The following EXTL3 variants were observed in gnomAD, a reference collection of about 807,000 sequenced individuals.
EXTL3 encodes the protein exostosin like glycosyltransferase 3, also known as exostosin-like 3.
EXTL3 carries 27 observed loss-of-function variants against 69.3 expected under a neutral mutation model. That is an observed-to-expected ratio of 0.39 (90% CI 0.29 to 0.54). The LOEUF (loss-of-function observed/expected upper bound fraction) is 0.54, where lower values mean the gene tolerates loss of function less well. Among genes scored for constraint, EXTL3 ranks in the 20% least tolerant of loss-of-function variants. EXTL3 has a pLI of 0.69. For missense variants in EXTL3, 1,003 were observed against 1,231.8 expected (o/e 0.81, Z 2.78); for synonymous variants, 511 against 499.4 (o/e 1.02, Z -0.31).
At position 28,753,225 on chromosome 8, in the gene EXTL3, C is replaced by G. The variant is rs976909566; in HGVS notation, c.*2359C>G. 1.3e-5 allele frequency: 2 copies of G among 152,260 alleles called. No individual in the cohort carries two copies. The highest frequency in any genetic ancestry group is 2.9e-5 in the Non-Finnish European group (2 of 68,068). The allele number at this position is 152,260 out of a possible 1,614,324, so 9.4% of individuals were successfully genotyped here. On this transcript the variant is annotated 3_prime_UTR_variant, in exon 7 of 7. Transcript: ENST00000220562. ...AGTGTCACTGGTCAGGTGCTTCTCA[C>G]CACGGGAAAGCCGCCGACCTGTGAC... is the stretch of plus-strand genomic sequence containing the variant.
intron 1 of EXTL3, among the ~76,000 whole-genome samples, chr8:28,660,839 T>C (rs1807097969): frequency 8.3e-5 from 1 of 12,086 alleles, no homozygotes; most frequent in Non-Finnish European, 1.7e-4. Flanking sequence ...GATTTTTGGC[T>C]TTTTTTTTTT....
At chr8:28,660,838 C>CTTTTTTTT (rs58151386) in intron 1 of EXTL3, among the ~76,000 whole-genome samples, 29 of 46,956 alleles carry the variant, frequency 6.2e-4, no homozygotes, top group Admixed American at 1.1e-3. Flanking sequence ...CGATTTTTGG[C>CTTTTTTTT]TTTTTTTTTT....
intron 5 of EXTL3, among the ~76,000 whole-genome samples, chr8:28,738,237 C>T (rs1056906765): frequency 1.3e-5 from 2 of 152,218 alleles, no homozygotes; most frequent in African/African-American, 4.8e-5. Flanking sequence ...CATCTTCCCT[C>T]TCTACCTCTT....
At position 28,750,374 on chromosome 8, in the gene EXTL3, C is replaced by G. The variant is rs1240013444; in HGVS notation, c.2551-283C>G. ...CTATGGCTCTGCAACCAAGTACATA[C>G]TAGGAGTAGACTTACTGAGACAGCT... On this transcript the variant is annotated intron_variant, in intron 6 of 6. Transcript: ENST00000220562. This position sits in a 1 kb window ranked among gnomAD's most constrained non-coding sequence, Gnocchi z 5.2. Among the ~76,000 whole-genome samples the G allele has an allele frequency of 2.0e-5, 3 of 152,160 alleles. No homozygotes were observed. The highest frequency in any genetic ancestry group is 7.2e-5 in the African/African-American group (3 of 41,424).
At chr8:28,667,052 C>G (rs1807208490) in intron 1 of EXTL3, among the ~76,000 whole-genome samples, 1 of 152,214 alleles carries the variant, frequency 6.6e-6, no homozygotes, top group Non-Finnish European at 1.5e-5. Flanking sequence ...GACCCAGACA[C>G]CAGATCCTCT....
intron 1 of EXTL3, among the ~76,000 whole-genome samples, chr8:28,638,819 CG>C (rs909745211): frequency 5.3e-5 from 8 of 151,984 alleles, no homozygotes; most frequent in African/African-American, 1.9e-4. Flanking sequence ...TTAGTACAGA[CG>C]GGGTCTCACT....
At chr8:28,620,346 G>A (rs1216139752), upstream of EXTL3, among the ~76,000 whole-genome samples, 2 of 152,208 alleles carry the variant, frequency 1.3e-5, no homozygotes, top group African/African-American at 4.8e-5. Context: ...CTAACTGAGA[G>A]AGGGCTCAGT....
At chr8:28,610,986 A>G (rs1256920639) in intron 2 of EXTL3, among the ~76,000 whole-genome samples, 1 of 152,144 alleles carries the variant, frequency 6.6e-6, no homozygotes, top group Admixed American at 6.6e-5. Flanking sequence ...CAAGTGATCC[A>G]TCCACCTCGG....
At chr8:28,676,951 C>T (rs994275155) in intron 1 of EXTL3, among the ~76,000 whole-genome samples, 2 of 152,146 alleles carry the variant, frequency 1.3e-5, no homozygotes, top group African/African-American at 2.4e-5. Context: ...TGCTGGTCTG[C>T]AGACCATGCT....
At chr8:28,746,835 C>T (rs777719445) in intron 6 of EXTL3, among the ~76,000 whole-genome samples, 12 of 152,090 alleles carry the variant, frequency 7.9e-5, no homozygotes, top group Non-Finnish European at 1.2e-4. Context: ...GCCACCACGC[C>T]CCGCTAATTT....
intron 4 of EXTL3, among the ~76,000 whole-genome samples, chr8:28,736,800 G>T (rs1281479331): frequency 3.9e-5 from 6 of 152,140 alleles, no homozygotes; most frequent in Non-Finnish European, 8.8e-5. Flanking sequence ...CTTAGAAAAT[G>T]CTTGTTCATT....
intron 3 of EXTL3, among the ~76,000 whole-genome samples, chr8:28,727,754 T>A (rs1161142214): frequency 6.6e-6 from 1 of 152,194 alleles, no homozygotes; most frequent in African/African-American, 2.4e-5. Context: ...TCTGTACCAG[T>A]GCTTCTCCCC....
intron 1 of EXTL3, among the ~76,000 whole-genome samples, chr8:28,633,862 G>A (rs1164178595): frequency 5.3e-5 from 8 of 152,110 alleles, no homozygotes; most frequent in African/African-American, 1.4e-4. Flanking sequence ...GACAGAAAAC[G>A]TTCGCTGATC....
chr8:28,668,126 G>A (rs73566880), intron 1 of EXTL3, among the ~76,000 whole-genome samples: 8,931 of 151,748 alleles, frequency 0.059, 863 homozygotes, highest in African/African-American at 0.2. Context: ...AATTATTCGG[G>A]CATGGTGGCA....
intron 6 of EXTL3, among the ~76,000 whole-genome samples, chr8:28,745,838 ATGGTGCACATGATTC>A (rs1801877604): frequency 1.3e-5 from 2 of 152,216 alleles, no homozygotes; most frequent in Non-Finnish European, 2.9e-5. Context: ...TAATTTAGAC[ATGGTGCACATGATTC>A]TTACCAAGTG....
chr8:28,663,674 A>T (rs1807150888), intron 1 of EXTL3, among the ~76,000 whole-genome samples: 1 of 151,736 alleles, frequency 6.6e-6, no homozygotes, highest in African/African-American at 2.4e-5. Flanking sequence ...CTGGTCTCGA[A>T]CTCCTGACCT....
At chr8:28,723,410 C>G (rs970199039) in intron 3 of EXTL3, among the ~76,000 whole-genome samples, 1 of 152,008 alleles carries the variant, frequency 6.6e-6, no homozygotes, top group African/African-American at 2.4e-5. Flanking sequence ...AAGGCTACCC[C>G]GAACCAAAAA....
downstream of EXTL3, among the ~76,000 whole-genome samples, chr8:28,756,291 G>T (rs1218824571): frequency 2.0e-5 from 3 of 152,130 alleles, no homozygotes; most frequent in Non-Finnish European, 2.9e-5. Context: ...AATGCTGATG[G>T]TTTTTTTCAT....
intron 1 of EXTL3, among the ~76,000 whole-genome samples, chr8:28,626,043 A>T (rs1725072252): frequency 7.0e-6 from 1 of 142,776 alleles, no homozygotes; most frequent in East Asian, 2.1e-4. Context: ...GAGGTGGTGC[A>T]CACCTGTTGT....
Sources: gnomAD v4.1 joint callset for allele counts (sites outside exome capture counted in the v4.1 genomes callset) on GRCh38, gnomAD v4.1.1 for gene constraint, Gnocchi (gnomAD v3.1) non-coding constraint, MANE v1.5 for transcripts, NCBI Gene and HGNC (gene_info 2026-07-23, HGNC 2026-07-21) for gene names.